The following MALRD1 variants were observed in gnomAD, a reference collection of about 807,000 sequenced individuals.
MALRD1 encodes the protein MAM and LDL-receptor class A domain-containing protein 1.
In MALRD1, 247 loss-of-function variants were observed where a neutral mutation model predicts 242.1. That is an observed-to-expected ratio of 1.02 (90% CI 0.92 to 1.13). The LOEUF (loss-of-function observed/expected upper bound fraction) is 1.13. Ranked by LOEUF, MALRD1 falls within the 50% of genes most tolerant of loss-of-function variation. MALRD1 has a pLI of 0.00. For missense variants in MALRD1, 2,989 were observed against 2,533.1 expected (o/e 1.18, Z -3.86); for synonymous variants, 995 against 866.6 (o/e 1.15, Z -2.60).
intron 29 of MALRD1, among the ~76,000 whole-genome samples, chr10:19,453,803 G>C (rs777514928): frequency 2.0e-5 from 3 of 152,030 alleles, no homozygotes; most frequent in Non-Finnish European, 4.4e-5. Context: ...CTGAACCAGG[G>C]AGGCAGAGGT....
intron 28 of MALRD1, among the ~76,000 whole-genome samples, chr10:19,414,952 T>C (rs941171194): frequency 5.9e-5 from 9 of 152,250 alleles, no homozygotes; most frequent in Non-Finnish European, 1.2e-4. Flanking sequence ...TTATTTTCCA[T>C]AAAATCATCT....
intron 36 of MALRD1, among the ~76,000 whole-genome samples, chr10:19,626,739 AAAAT>A (rs946232884): frequency 1.1e-4 from 17 of 152,082 alleles, no homozygotes; most frequent in African/African-American, 3.9e-4. Context: ...AGAAAAAAAA[AAAAT>A]GAACAAACCA....
chr10:19,514,057 C>T (rs944406336), intron 31 of MALRD1, among the ~76,000 whole-genome samples: 1 of 152,174 alleles, frequency 6.6e-6, no homozygotes, highest in Non-Finnish European at 1.5e-5. Context: ...TTTAGGCTTA[C>T]AGCTGTTTGT....
intron 2 of MALRD1, among the ~76,000 whole-genome samples, chr10:19,074,562 AT>A: frequency 6.6e-6 from 1 of 152,068 alleles, no homozygotes. Context: ...ATTCAGAGTT[AT>A]ATGTCAGTGA....
chr10:19,257,285 T>A (rs1839558201), intron 18 of MALRD1, among the ~76,000 whole-genome samples: 1 of 152,134 alleles, frequency 6.6e-6, no homozygotes, highest in Non-Finnish European at 1.5e-5. Context: ...TGAGGAGGTT[T>A]AATTTGGGAA....
At chr10:19,096,322 A>G (rs1436287169) in intron 4 of MALRD1, among the ~76,000 whole-genome samples, 1 of 152,216 alleles carries the variant, frequency 6.6e-6, no homozygotes, top group Non-Finnish European at 1.5e-5. Flanking sequence ...CTGAGACAGC[A>G]AGGTTATTCA....
intron 29 of MALRD1, chr10:19,491,252 T>G (rs1837481243): frequency 4.4e-6 from 3 of 680,250 alleles, no homozygotes; most frequent in African/African-American, 1.8e-5. Context: ...CAAATTTGAG[T>G]GTCTCATCCA....
intron 28 of MALRD1, among the ~76,000 whole-genome samples, chr10:19,405,871 T>C (rs896863843): frequency 6.6e-6 from 1 of 152,090 alleles, no homozygotes; most frequent in African/African-American, 2.4e-5. Flanking sequence ...TTTTTTTTCC[T>C]TTTTGCTGGA....
chr10:19,550,749 G>C (rs1251225833), intron 32 of MALRD1, among the ~76,000 whole-genome samples: 1 of 152,142 alleles, frequency 6.6e-6, no homozygotes, highest in East Asian at 1.9e-4. Context: ...ATCACTAATA[G>C]GGGTTTAGGT....
intron 32 of MALRD1, among the ~76,000 whole-genome samples, chr10:19,561,857 C>T (rs764032369): frequency 7.2e-5 from 11 of 152,026 alleles, no homozygotes; most frequent in Admixed American, 6.6e-5. Flanking sequence ...GGCTGTGGTA[C>T]GCTGCAGTCA....
chr10:19,688,791 A>G (rs1842702971), intron 36 of MALRD1, among the ~76,000 whole-genome samples: 1 of 152,256 alleles, frequency 6.6e-6, no homozygotes, highest in African/African-American at 2.4e-5. Flanking sequence ...AAGGGTTGGA[A>G]ACTCACCCCT....
chr10:19,555,494 A>C (rs1484609295), intron 32 of MALRD1, among the ~76,000 whole-genome samples: 1 of 152,140 alleles, frequency 6.6e-6, no homozygotes, highest in Non-Finnish European at 1.5e-5. Flanking sequence ...GAGGGAAAAC[A>C]TTTCAAACAG....
rs78709228 is a variant in MALRD1 at position 19,060,819 on chromosome 10, T to G, written c.200-5900T>G. On this transcript the variant is annotated intron_variant, in intron 1 of 39. Transcript: ENST00000454679. ...GTTATCTACCTTGAAGATTCTAGAG[T>G]GTCAAAGCAGCCTTATATCATGTGC... Among the ~76,000 whole-genome samples, 427 of 152,194 alleles carry G rather than the reference T, an allele frequency of 2.8e-3. 1 individual carries two copies. The highest frequency in any genetic ancestry group is 9.9e-3 in the African/African-American group (410 of 41,526).
intron 29 of MALRD1, among the ~76,000 whole-genome samples, chr10:19,478,280 A>T (rs1228971271): frequency 6.6e-6 from 1 of 152,194 alleles, no homozygotes; most frequent in Non-Finnish European, 1.5e-5. Context: ...CTCCCAAGAC[A>T]AAAGTAAGAT....
intron 17 of MALRD1, among the ~76,000 whole-genome samples, chr10:19,208,464 G>A (rs917304833): frequency 6.6e-6 from 1 of 152,122 alleles, no homozygotes; most frequent in Non-Finnish European, 1.5e-5. Context: ...GATTCTATGA[G>A]CATACATGAA....
chr10:19,547,850 A>G (rs1373340291), intron 32 of MALRD1, among the ~76,000 whole-genome samples: 1 of 38,722 alleles, frequency 2.6e-5, no homozygotes, highest in Non-Finnish European at 4.9e-5. Context: ...TTTTTTTTTT[A>G]CAAATTGAAG....
intron 18 of MALRD1, among the ~76,000 whole-genome samples, chr10:19,255,384 G>C (rs11009153): frequency 0.13 from 20,189 of 151,818 alleles, 1,694 homozygotes; most frequent in Admixed American, 0.27. Flanking sequence ...AAATGAAAGT[G>C]ACATTTTCAT....
chr10:19,101,185 C>T (rs978624368), intron 4 of MALRD1, among the ~76,000 whole-genome samples: 1 of 150,352 alleles, frequency 6.7e-6, no homozygotes, highest in African/African-American at 2.4e-5. Flanking sequence ...ATAAGTTCTC[C>T]AAGGTCCTGT....
intron 36 of MALRD1, among the ~76,000 whole-genome samples, chr10:19,618,973 C>T (rs1232822589): frequency 6.6e-6 from 1 of 152,030 alleles, no homozygotes; most frequent in African/African-American, 2.4e-5. Flanking sequence ...AGCCTTGGAC[C>T]TGTGAATAAA....
Sources: gnomAD v4.1 joint callset for allele counts (sites outside exome capture counted in the v4.1 genomes callset) on GRCh38, gnomAD v4.1.1 for gene constraint, MANE v1.5 for transcripts, NCBI Gene and HGNC (gene_info 2026-07-23, HGNC 2026-07-21) for gene names.